The following TMEM132D variants were observed in gnomAD, a reference collection of about 807,000 sequenced individuals.
TMEM132D encodes the protein mature OL transmembrane protein.
A neutral mutation model predicts 62.3 loss-of-function variants in TMEM132D; 21 were observed. The ratio of observed to expected loss-of-function variants is 0.34; its 90% CI spans 0.24 to 0.49. The LOEUF is 0.49. Among genes scored for constraint, TMEM132D ranks in the 20% least tolerant of loss-of-function variants. The pLI is 0.99. For missense variants in TMEM132D, 1,346 were observed against 1,402.8 expected, an observed-to-expected ratio of 0.96 and a Z score of 0.65; for synonymous variants, 621 against 575.6, an observed-to-expected ratio of 1.08 and a Z score of -1.13.
At chr12:129,589,148 C>A (rs1045922320) in intron 2 of TMEM132D, among the ~76,000 whole-genome samples, 3 of 152,090 alleles carry the variant, frequency 2.0e-5, no homozygotes, top group African/African-American at 7.2e-5. Context: ...ATAATTCCCA[C>A]ATGTTGTAGA....
chr12:129,405,556 A>G (rs11612118), intron 3 of TMEM132D, among the ~76,000 whole-genome samples: 1 of 152,082 alleles, frequency 6.6e-6, no homozygotes, highest in Admixed American at 6.5e-5. Flanking sequence ...GGAGGTCCTG[A>G]GTGGCCCCAC....
At chr12:129,169,166 G>C (rs147288320) in intron 5 of TMEM132D, among the ~76,000 whole-genome samples, 1 of 152,158 alleles carries the variant, frequency 6.6e-6, no homozygotes, top group African/African-American at 2.4e-5. Flanking sequence ...TGATTTTGTA[G>C]GTCTGTGGTG....
At chr12:129,879,987 C>G (rs1874542664) in intron 1 of TMEM132D, among the ~76,000 whole-genome samples, 1 of 152,014 alleles carries the variant, frequency 6.6e-6, no homozygotes, top group Non-Finnish European at 1.5e-5. Flanking sequence ...TTCCAAAAGT[C>G]ATAAAAGATT....
chr12:129,385,395 C>T (rs886067618), intron 3 of TMEM132D, among the ~76,000 whole-genome samples: 5 of 152,000 alleles, frequency 3.3e-5, no homozygotes, highest in Non-Finnish European at 4.4e-5. Flanking sequence ...CATGAGCCAC[C>T]GTGCTTGGCC....
At position 129,547,284 on chromosome 12, in the gene TMEM132D, C is replaced by G. The variant is rs550861794; in HGVS notation, c.969-16079G>C. Among the ~76,000 whole-genome samples the G allele has an allele frequency of 2.6e-5, 4 of 152,230 alleles. No individual in the cohort carries two copies. In the South Asian group the frequency reaches 8.3e-4, roughly 32 times the overall value. ...GACAGGGTCTCACTCTGTTGCCCAG[C>G]CTGGAGTGAATTGGTTCAATCATAG... is the stretch of plus-strand genomic sequence containing the variant. On this transcript the variant is annotated intron_variant, in intron 2 of 8. Transcript: ENST00000422113.
At chr12:129,321,780 C>T (rs1238255581) in intron 4 of TMEM132D, among the ~76,000 whole-genome samples, 2 of 152,112 alleles carry the variant, frequency 1.3e-5, no homozygotes, top group Non-Finnish European at 2.9e-5. Flanking sequence ...AGGGTGGTCT[C>T]GATCTCCTGA....
At chr12:129,841,769 C>A (rs367931339) in intron 1 of TMEM132D, among the ~76,000 whole-genome samples, 1 of 151,958 alleles carries the variant, frequency 6.6e-6, no homozygotes, top group African/African-American at 2.4e-5. Context: ...CCCCAAAATA[C>A]CAAAGCAATC....
At chr12:129,294,729 C>G (rs1250099164) in intron 4 of TMEM132D, among the ~76,000 whole-genome samples, 4 of 152,310 alleles carry the variant, frequency 2.6e-5, no homozygotes, top group Admixed American at 2.6e-4. Flanking sequence ...TTTATTTTCT[C>G]TACTTTTTTC....
At chr12:129,708,243 A>G (rs577078156) in intron 1 of TMEM132D, among the ~76,000 whole-genome samples, 1 of 152,290 alleles carries the variant, frequency 6.6e-6, no homozygotes, top group South Asian at 2.1e-4. Flanking sequence ...AAAAGAAAAC[A>G]GGGTGAGAGG....
chr12:129,254,060 C>T (rs140356831), intron 4 of TMEM132D, among the ~76,000 whole-genome samples: 9 of 152,262 alleles, frequency 5.9e-5, no homozygotes, highest in East Asian at 5.8e-4. Flanking sequence ...ATAGAACCAA[C>T]GTCTTAATTT....
At chr12:129,669,543 A>G (rs553390108) in intron 2 of TMEM132D, among the ~76,000 whole-genome samples, 2 of 152,148 alleles carry the variant, frequency 1.3e-5, no homozygotes, top group South Asian at 4.2e-4. Flanking sequence ...CATCTCTACT[A>G]AAAATACAAA....
chr12:129,863,023 C>T, intron 1 of TMEM132D, among the ~76,000 whole-genome samples: 1 of 152,114 alleles, frequency 6.6e-6, no homozygotes, highest in East Asian at 1.9e-4. Context: ...GAACTTAAGG[C>T]CATTCATCAA....
intron 2 of TMEM132D, among the ~76,000 whole-genome samples, chr12:129,603,474 G>A (rs548659376): frequency 1.3e-5 from 2 of 152,202 alleles, no homozygotes; most frequent in South Asian, 2.1e-4. Context: ...TCTTTTCAGG[G>A]CCTGATAGCT....
At chr12:129,634,340 G>T (rs1467236264) in intron 2 of TMEM132D, among the ~76,000 whole-genome samples, 1 of 151,952 alleles carries the variant, frequency 6.6e-6, no homozygotes, top group Non-Finnish European at 1.5e-5. Context: ...GGGGTATGGT[G>T]GCCTGCACCT....
chr12:129,489,824 C>G (rs1435857846), intron 3 of TMEM132D, among the ~76,000 whole-genome samples: 1 of 152,176 alleles, frequency 6.6e-6, no homozygotes, highest in Non-Finnish European at 1.5e-5. Flanking sequence ...GGTACAGATT[C>G]TTCTAAAGTC....
intron 1 of TMEM132D, among the ~76,000 whole-genome samples, chr12:129,737,084 G>A (rs1265012658): frequency 6.6e-6 from 1 of 152,118 alleles, no homozygotes. Flanking sequence ...CCAAAGTGCT[G>A]GGATTACAGG....
At position 129,844,696 on chromosome 12, in the gene TMEM132D, T is replaced by G. The variant is rs146837835; in HGVS notation, c.79+58565A>C. ...GTGTCTGAAGGCCACAGTAGTGAAA[T>G]CAATGCTTTCAGTTCCAACAGAATC... On this transcript the variant is annotated intron_variant, in intron 1 of 8. Transcript: ENST00000422113. Among the ~76,000 whole-genome samples, 675 of 152,288 alleles carry G rather than the reference T, an allele frequency of 4.4e-3. 6 individuals are homozygous for G. Among genetic ancestry groups the G allele is most frequent in the African/African-American group, 0.016 (653 of 41,548 alleles).
At chr12:129,887,787 A>G (rs1322856775) in intron 1 of TMEM132D, among the ~76,000 whole-genome samples, 1 of 152,194 alleles carries the variant, frequency 6.6e-6, no homozygotes, top group Non-Finnish European at 1.5e-5. Flanking sequence ...TATCTAGGAA[A>G]TCATTGTCCT....
intron 2 of TMEM132D, among the ~76,000 whole-genome samples, chr12:129,553,229 C>A (rs11060431): frequency 0.19 from 29,440 of 152,044 alleles, 3,278 homozygotes; most frequent in East Asian, 0.42. Context: ...CGATGCCCAG[C>A]TCTTCACTCT....
Sources: allele counts gnomAD v4.1 joint callset (sites outside exome capture counted in the v4.1 genomes callset), GRCh38; gene constraint gnomAD v4.1.1; transcripts MANE v1.5; gene names NCBI Gene and HGNC (gene_info 2026-07-23, HGNC 2026-07-21).